Variants in PTPN3 observed in about 807,000 individuals in gnomAD.
PTPN3 encodes the protein protein tyrosine phosphatase non-receptor type 3, also known as tyrosine-protein phosphatase non-receptor type 3.
PTPN3 carries 96 observed loss-of-function variants against 132.7 expected under a neutral mutation model. That is an observed-to-expected ratio of 0.72 (90% CI 0.61 to 0.86). The LOEUF (loss-of-function observed/expected upper bound fraction) is 0.86. PTPN3 is among the 40% of genes least tolerant of loss of function. The pLI is 0.00. For synonymous variants in PTPN3, 398 were observed against 429.0 expected (o/e 0.93, Z 0.89); for missense variants, 1,125 against 1,159.6 (o/e 0.97, Z 0.43).
chr9:109,523,745 G>C, the PTPN3 span, among the ~76,000 whole-genome samples: 21 of 152,270 alleles, frequency 1.4e-4, no homozygotes, highest in Admixed American at 1.4e-3. Context: ...CGGATCTTTA[G>C]AGCTTATATA....
At chr9:109,524,328 T>C in the PTPN3 span, among the ~76,000 whole-genome samples, 1 of 128,364 alleles carries the variant, frequency 7.8e-6, no homozygotes, top group South Asian at 2.8e-4. Flanking sequence ...CTGCTGTGCC[T>C]TTACAAACAT....
At chr9:109,403,080 A>C (rs1481312836) in intron 19 of PTPN3, among the ~76,000 whole-genome samples, 2 of 152,152 alleles carry the variant, frequency 1.3e-5, no homozygotes, top group Non-Finnish European at 2.9e-5. Context: ...TCTCTAAATA[A>C]ATAAATATAT....
Position 109,406,463 on chromosome 9 carries a change from TCTC to T in PTPN3, c.1788_1790del (p.Arg597del), listed in dbSNP as rs778951921. On this transcript the variant is annotated inframe_deletion and splice_region_variant, in exon 18 of 26. Coordinates refer to ENST00000374541, the MANE Select transcript of PTPN3 (RefSeq NM_002829.4). ...CTCCTCCCCCCAGGTGGCCATTACC[TCTC>T]CTCCTGATCACCAGGGCCAGCTCCC... 6.2e-7 allele frequency: 1 copy of T among 1,613,670 alleles called. No homozygotes were observed. The highest frequency in any genetic ancestry group is 1.1e-5 in the South Asian group (1 of 91,030).
At chr9:109,447,611 A>G (rs2131986239) in intron 6 of PTPN3, among the ~76,000 whole-genome samples, 1 of 152,226 alleles carries the variant, frequency 6.6e-6, no homozygotes, top group Middle Eastern at 3.4e-3. Context: ...CCTTTCCTCA[A>G]GGTGTCTCTT....
intron 19 of PTPN3, among the ~76,000 whole-genome samples, chr9:109,392,432 A>G (rs889449391): frequency 6.6e-6 from 1 of 152,130 alleles, no homozygotes; most frequent in African/African-American, 2.4e-5. Flanking sequence ...TAAAGAAAAA[A>G]ATTATCAGCA....
chr9:109,419,605 G>A (rs961067843), intron 14 of PTPN3, among the ~76,000 whole-genome samples: 7 of 151,896 alleles, frequency 4.6e-5, no homozygotes, highest in African/African-American at 1.7e-4. Context: ...ATGTAACTAT[G>A]AATCCATTAA....
intron 5 of PTPN3, chr9:109,449,478 G>A: frequency 1.0e-6 from 1 of 985,518 alleles, no homozygotes; most frequent in Non-Finnish European, 1.2e-6. Context: ...TGGGCAACCA[G>A]CAAATGTAAC....
chr9:109,506,272 G>T, the PTPN3 span, among the ~76,000 whole-genome samples: 9 of 152,200 alleles, frequency 5.9e-5, no homozygotes, highest in African/African-American at 2.2e-4. Context: ...GATAGTAGTG[G>T]TGATGTTTGC....
chr9:109,407,426 T>C (rs1255343896), intron 17 of PTPN3, among the ~76,000 whole-genome samples: 2 of 152,190 alleles, frequency 1.3e-5, no homozygotes, highest in Non-Finnish European at 2.9e-5. Context: ...GATGAACATG[T>C]TAATTTGTTT....
At chr9:109,387,054 G>A (rs1174063633) in intron 22 of PTPN3, among the ~76,000 whole-genome samples, 1 of 152,212 alleles carries the variant, frequency 6.6e-6, no homozygotes, top group African/African-American at 2.4e-5. Flanking sequence ...CAGGTTCCTG[G>A]CTCGGGTGAC....
rs1207238288 is a variant in PTPN3, at chr9:109,408,353, G to T, written c.1603C>A (p.Leu535Ile). 6.3e-7 allele frequency: 1 copy of T among 1,585,134 alleles called. No individual in the cohort carries two copies. Among genetic ancestry groups the T allele is most frequent in the Middle Eastern group, 1.7e-4 (1 of 5,934 alleles). ...TCTGGGTTTATCCTTGATACCACAA[G>T]AGGCATCTTTTGATCCACTCCTCCC... is the stretch of plus-strand genomic sequence containing the variant. Reference protein sequence around the residue: ...LKGGVDQKMPLVVSRINPESP... With the variant: ...LKGGVDQKMPIVVSRINPESP... The change falls in exon 17 of 26, where the codon CTT becomes ATT. Residue 535 changes from leucine to isoleucine, a missense_variant. Transcript: ENST00000374541.
At chr9:109,450,747 T>C (rs564360485) in intron 5 of PTPN3, 2 of 985,428 alleles carry the variant, frequency 2.0e-6, no homozygotes, top group African/African-American at 3.5e-5. Context: ...GAATACAGGA[T>C]AGTTCTTTAG....
At chr9:109,473,333 C>G (rs1458458888) in intron 1 of PTPN3, among the ~76,000 whole-genome samples, 1 of 152,200 alleles carries the variant, frequency 6.6e-6, no homozygotes, top group African/African-American at 2.4e-5. Context: ...TGTATTCAAA[C>G]TGAGATCTGT....
the PTPN3 span, among the ~76,000 whole-genome samples, chr9:109,517,122 C>A: frequency 2.6e-5 from 4 of 152,258 alleles, no homozygotes; most frequent in African/African-American, 9.6e-5. Flanking sequence ...CTGGTGCTTG[C>A]AGAGGCACTG....
intron 5 of PTPN3, among the ~76,000 whole-genome samples, chr9:109,452,197 G>C (rs988049146): frequency 2.7e-5 from 4 of 150,418 alleles, no homozygotes; most frequent in African/African-American, 9.9e-5. Flanking sequence ...GAACCCGGGA[G>C]GCCGAGGTTA....
At chr9:109,434,859 G>A (rs1170132725) in intron 9 of PTPN3, among the ~76,000 whole-genome samples, 6 of 152,126 alleles carry the variant, frequency 3.9e-5, no homozygotes, top group East Asian at 1.9e-4. Flanking sequence ...CATAAGAAAC[G>A]TCCATTCCCC....
chr9:109,470,454 T>G (rs1243444923), intron 1 of PTPN3, among the ~76,000 whole-genome samples: 1 of 151,968 alleles, frequency 6.6e-6, no homozygotes. Context: ...CAGGCCTAAC[T>G]GTTCCTTAAA....
In PTPN3 at chr9:109,404,565, G is replaced by A. The variant is rs34302609; in HGVS notation, c.1836C>T (p.Asn612=). The A allele has an allele frequency of 0.029, 45,523 of 1,564,436 alleles. 784 individuals carry two copies. Among genetic ancestry groups the A allele is most frequent in the Middle Eastern group, 0.039 (232 of 5,952 alleles). The part of the protein sequence containing the change: ...FADFKSEDEL[N]QLFPEAIFPM... ...GGAAAATGGCTTCGGGGAAAAGCTG[G>A]TTCAGTTCATCTTCAGACTTGAAGT... The change falls in exon 19 of 26, where the codon AAC becomes AAT. Residue 612 remains asparagine, a synonymous_variant. Coordinates refer to ENST00000374541, the MANE Select transcript of PTPN3 (RefSeq NM_002829.4).
Position 109,406,442 on chromosome 9 carries a change from TC to T in PTPN3, c.1792+19del. 6.2e-7 allele frequency: 1 copy of T among 1,606,862 alleles called. No individual in the cohort carries two copies. On this transcript the variant is annotated intron_variant, in intron 18 of 25. Transcript: ENST00000374541. Reference sequence around the variant, plus strand: ...GCTAGGACAGCTTCCCTATGGCTCCTCCCCCCAGGTGGCCATTACCTCTCCT... The same window carrying T: ...GCTAGGACAGCTTCCCTATGGCTCCTCCCCCAGGTGGCCATTACCTCTCCT...
Sources: gnomAD v4.1 joint callset for allele counts (sites outside exome capture counted in the v4.1 genomes callset) on GRCh38, gnomAD v4.1.1 for gene constraint, MANE v1.5 for transcripts, NCBI Gene and HGNC (gene_info 2026-07-23, HGNC 2026-07-21) for gene names.